MTERF4: variants seen among roughly 807,000 people sequenced by gnomAD.
MTERF4 encodes mitochondrial transcription termination factor 4, also known as transcription termination factor 4, mitochondrial.
MTERF4 carries 17 observed loss-of-function variants against 22.5 expected under a neutral mutation model. The observed-to-expected ratio is 0.75, with a 90% confidence interval of 0.52 to 1.13. MTERF4 has a LOEUF of 1.13. MTERF4 is among the 50% of genes most tolerant of loss of function. The probability of loss-of-function intolerance (pLI) is 0.00; values close to 1 mark genes in which losing one functional copy is unlikely to be tolerated. For missense variants in MTERF4, 420 were observed against 466.8 expected (o/e 0.90, Z 0.92); for synonymous variants, 165 against 175.3 (o/e 0.94, Z 0.47).
chr2:241,068,547 C>T (rs542581400), downstream of MTERF4, among the ~76,000 whole-genome samples: 2 of 152,136 alleles, frequency 1.3e-5, no homozygotes, highest in African/African-American at 4.8e-5. This position sits in a 1 kb window ranked among gnomAD's most constrained non-coding sequence, Gnocchi z 5.3. Context: ...TCACGTTGTC[C>T]TGTGGTTTCC....
chr2:241,051,866 GC>G, the MTERF4 span: 3 of 1,532,622 alleles, frequency 2.0e-6, no homozygotes, highest in South Asian at 2.5e-5. This position sits in a 1 kb window ranked among gnomAD's most constrained non-coding sequence, Gnocchi z 4.7. Flanking sequence ...GATCGGTGCG[GC>G]CCCCAGGGGC....
the MTERF4 span, among the ~76,000 whole-genome samples, chr2:241,045,206 C>T: frequency 2.0e-5 from 3 of 152,150 alleles, no homozygotes; most frequent in Admixed American, 6.6e-5. Context: ...GAAGACTCAA[C>T]GTAGTAAATA....
chr2:241,071,614 G>A, downstream of MTERF4: 1 of 1,587,996 alleles, frequency 6.3e-7, no homozygotes, highest in South Asian at 1.1e-5. Context: ...GCACCAGGGA[G>A]GACACCACCC....
chr2:241,056,493 T>A, the MTERF4 span, among the ~76,000 whole-genome samples: 1 of 145,996 alleles, frequency 6.8e-6, no homozygotes, highest in Admixed American at 6.8e-5. Flanking sequence ...ACCATAGAAC[T>A]CAAAGACAGG....
At chr2:241,080,957 G>A (rs1175309479) in intron 4 of MTERF4, among the ~76,000 whole-genome samples, 2 of 152,256 alleles carry the variant, frequency 1.3e-5, no homozygotes, top group Non-Finnish European at 2.9e-5. Context: ...GTCTGTGAGA[G>A]GACAGCCCTT....
At chr2:241,050,981 C>A in the MTERF4 span, among the ~76,000 whole-genome samples, 3 of 152,242 alleles carry the variant, frequency 2.0e-5, no homozygotes, top group Admixed American at 6.5e-5. Context: ...CCAATGTGGA[C>A]ACCTCTGACC....
At chr2:241,047,289 G>T in the MTERF4 span, among the ~76,000 whole-genome samples, 1 of 152,056 alleles carries the variant, frequency 6.6e-6, no homozygotes, top group Non-Finnish European at 1.5e-5. Context: ...ACGATAGAGG[G>T]GTCAATTCAT....
At chr2:241,084,612 T>C (rs2063494524), downstream of MTERF4, among the ~76,000 whole-genome samples, 2 of 152,242 alleles carry the variant, frequency 1.3e-5, no homozygotes, top group Non-Finnish European at 1.5e-5. Context: ...CCACATATGC[T>C]GTGAACTGCA....
the MTERF4 span, among the ~76,000 whole-genome samples, chr2:241,043,913 C>T: frequency 1.3e-5 from 2 of 152,178 alleles, no homozygotes; most frequent in East Asian, 3.9e-4. Context: ...TTATAGTTTA[C>T]CAACTCCAAT....
chr2:241,099,481 C>T lies in MTERF4; in HGVS notation c.435G>A (p.Leu145=). The T allele has an allele frequency of 6.2e-7, 1 of 1,614,194 alleles. No individual in the cohort carries two copies. The highest frequency in any genetic ancestry group is 8.5e-7 in the Non-Finnish European group (1 of 1,180,042). ...GLNPEPVCVV[L]KKSPQLLKLP... is the part of the protein sequence containing the mutation. ...GTTTCAATAACTGGGGACTTTTCTT[C>T]AAGACCACACACACAGGCTCTGGAT... The change falls in exon 2 of 4, where the codon TTG becomes TTA. Residue 145 remains leucine (L), a synonymous_variant. Coordinates refer to ENST00000391980, the MANE Select transcript of MTERF4 (RefSeq NM_182501.4).
the MTERF4 span, chr2:241,048,499 C>A: frequency 1.9e-6 from 3 of 1,543,926 alleles, no homozygotes; most frequent in Admixed American, 3.9e-5. Context: ...CCAGGGAGGG[C>A]CTTCCTGTGG....
chr2:241,077,808 TAAA>T (rs938974267), intron 4 of MTERF4, among the ~76,000 whole-genome samples: 4 of 152,080 alleles, frequency 2.6e-5, no homozygotes, highest in Non-Finnish European at 4.4e-5. Context: ...TGGCGGGAAT[TAAA>T]AAGTCAGATA....
the MTERF4 span, among the ~76,000 whole-genome samples, chr2:241,053,585 C>T: frequency 3.3e-4 from 50 of 152,304 alleles, no homozygotes; most frequent in Non-Finnish European, 6.2e-4. Context: ...GGTCAAACAC[C>T]CAAATACCCA....
chr2:241,071,407 G>C, downstream of MTERF4: 1 of 715,464 alleles, frequency 1.4e-6, no homozygotes, highest in Admixed American at 2.6e-5. Context: ...AGGGAACCCA[G>C]GGCATCTGGG....
At chr2:241,071,654 C>A (rs963156968), downstream of MTERF4, 1 of 1,569,452 alleles carries the variant, frequency 6.4e-7, no homozygotes, top group African/African-American at 1.3e-5. Flanking sequence ...CCGCCCCCGG[C>A]GCGCCTGCCG....
chr2:241,067,846 C>T (rs2062527081), downstream of MTERF4: 2 of 1,613,352 alleles, frequency 1.2e-6, no homozygotes, highest in Non-Finnish European at 1.7e-6. Flanking sequence ...ACAGGATCCG[C>T]CATGCCACCG....
At chr2:241,051,754 C>T in the MTERF4 span, 4 of 1,520,904 alleles carry the variant, frequency 2.6e-6, no homozygotes, top group African/African-American at 5.5e-5. The surrounding 1 kb of genome is among the most constrained non-coding windows in gnomAD (Gnocchi z 4.7). Context: ...CCCGGCCACA[C>T]CTGTGCAGCT....
downstream of MTERF4, chr2:241,082,360 C>T (rs2063368532): frequency 6.2e-7 from 1 of 1,612,572 alleles, no homozygotes; most frequent in Non-Finnish European, 8.5e-7. Flanking sequence ...CGTCTGTCAC[C>T]ACGTGTAAGT....
the MTERF4 span, chr2:241,065,370 C>G: frequency 6.2e-7 from 1 of 1,613,168 alleles, no homozygotes; most frequent in Non-Finnish European, 8.5e-7. Flanking sequence ...CTGGAACCCG[C>G]CCAATGGTCC....
Sources: allele counts gnomAD v4.1 joint callset (sites outside exome capture counted in the v4.1 genomes callset), GRCh38; gene constraint gnomAD v4.1.1; non-coding constraint Gnocchi (gnomAD v3.1); transcripts MANE v1.5; gene names NCBI Gene and HGNC (gene_info 2026-07-23, HGNC 2026-07-21).